Variants in EDAR observed in about 807,000 individuals in gnomAD.
EDAR encodes the protein ectodysplasin A receptor.
In EDAR, 38 loss-of-function variants were observed where a neutral mutation model predicts 51.3. The ratio of observed to expected loss-of-function variants is 0.74; its 90% CI spans 0.57 to 0.97. EDAR has a LOEUF of 0.97. Ranked by LOEUF, EDAR falls within the 50% of genes least tolerant of loss-of-function variation. EDAR has a pLI of 0.00. For synonymous variants in EDAR, 227 were observed against 242.1 expected, an observed-to-expected ratio of 0.94 and a Z score of 0.58; for missense variants, 528 against 595.0, an observed-to-expected ratio of 0.89 and a Z score of 1.17.
chr2:108,988,458 G>A (rs75106732), intron 1 of EDAR, among the ~76,000 whole-genome samples: 5,776 of 151,660 alleles, frequency 0.038, 180 homozygotes, highest in Middle Eastern at 0.085. Flanking sequence ...CCGCTCCCCC[G>A]CCACCAACAC....
At chr2:108,965,008 T>C (rs1698121508) in intron 1 of EDAR, among the ~76,000 whole-genome samples, 1 of 152,210 alleles carries the variant, frequency 6.6e-6, no homozygotes, top group African/African-American at 2.4e-5. Context: ...ACAACCTGCC[T>C]CTTTTACATG....
At chr2:108,915,907 AT>A (rs1274090624) in intron 5 of EDAR, among the ~76,000 whole-genome samples, 7 of 152,088 alleles carry the variant, frequency 4.6e-5, no homozygotes, top group African/African-American at 1.7e-4. Flanking sequence ...CAAAAAAAAA[AT>A]AAAAAATAAA....
intron 1 of EDAR, among the ~76,000 whole-genome samples, chr2:108,963,749 G>A (rs1698097487): frequency 1.3e-5 from 2 of 152,332 alleles, no homozygotes; most frequent in South Asian, 4.1e-4. Context: ...GGGTATCACA[G>A]GACTGCCTGG....
intron 1 of EDAR, among the ~76,000 whole-genome samples, chr2:108,969,254 C>T (rs890210327): frequency 4.6e-5 from 7 of 152,074 alleles, no homozygotes; most frequent in Non-Finnish European, 1.0e-4. Flanking sequence ...TCAGCTCCAA[C>T]CTCCACCCCA....
chr2:108,911,595 TGCC>T (rs1233397135), intron 6 of EDAR, among the ~76,000 whole-genome samples: 4 of 152,310 alleles, frequency 2.6e-5, no homozygotes, highest in Non-Finnish European at 1.5e-5. Flanking sequence ...CCACCTGCAC[TGCC>T]GCCTCCACCA....
intron 1 of EDAR, among the ~76,000 whole-genome samples, chr2:108,952,981 C>G: frequency 6.6e-6 from 1 of 152,054 alleles, no homozygotes; most frequent in East Asian, 1.9e-4. Context: ...TTTCTGAGGT[C>G]TTTTTAAAAA....
chr2:108,920,935 G>A (rs552317369), intron 5 of EDAR, among the ~76,000 whole-genome samples: 13 of 152,204 alleles, frequency 8.5e-5, no homozygotes, highest in South Asian at 2.1e-4. Context: ...GAGATAACTC[G>A]TCTAACTCAG....
intron 9 of EDAR, among the ~76,000 whole-genome samples, chr2:108,908,743 TA>T (rs1696859686): frequency 6.6e-6 from 1 of 152,248 alleles, no homozygotes; most frequent in Non-Finnish European, 1.5e-5. Flanking sequence ...TATTCTTTTT[TA>T]GAGGCATCCT....
In EDAR at chr2:108,947,445, G is replaced by T. The variant is rs184106627; in HGVS notation, c.-18-16413C>A. Among the ~76,000 whole-genome samples the T allele has an allele frequency of 9.4e-4, 143 of 152,288 alleles. 1 individual carries two copies. The highest frequency in any genetic ancestry group is 3.4e-3 in the Middle Eastern group (1 of 294). ...GCCCCAGTGGGGACTCTGTGTGGGG[G>T]CTCCAACTGCATTGCCTTGGTAGAG... On this transcript the variant is annotated intron_variant, in intron 1 of 11. Transcript: ENST00000258443.
chr2:108,948,231 C>A (rs1697751433), intron 1 of EDAR, among the ~76,000 whole-genome samples: 1 of 152,222 alleles, frequency 6.6e-6, no homozygotes, highest in African/African-American at 2.4e-5. Context: ...CATCTGAGAC[C>A]ACCTAAGCCT....
Position 108,895,659 on chromosome 2 carries a change from C to T in EDAR, c.*1248G>A, listed in dbSNP as rs75155869. The stretch of plus-strand genomic sequence containing the variant: ...CCACTTTCTTTTTGCTCACCTGAAC[C>T]CTACCTGCCCCAATTATAGAATCAC... On this transcript the variant is annotated 3_prime_UTR_variant, in exon 12 of 12. Transcript: ENST00000258443. 6.6e-6 allele frequency: 1 copy of T among 152,122 alleles called. No homozygotes were observed. Among genetic ancestry groups the T allele is most frequent in the African/African-American group, 2.4e-5 (1 of 41,396 alleles). 9.4% of individuals were successfully genotyped at this position (152,122 alleles called of 1,614,324 possible).
chr2:108,959,291 C>G (rs1191238656), intron 1 of EDAR, among the ~76,000 whole-genome samples: 1 of 152,312 alleles, frequency 6.6e-6, no homozygotes, highest in East Asian at 1.9e-4. Context: ...GATCTGGGAA[C>G]TCTTACAGCC....
At chr2:108,981,640 T>C (rs1199773181) in intron 1 of EDAR, among the ~76,000 whole-genome samples, 3 of 152,176 alleles carry the variant, frequency 2.0e-5, no homozygotes, top group South Asian at 2.1e-4. Flanking sequence ...CTGCTCGATA[T>C]ATACTATCCC....
At chr2:108,935,116 G>A (rs967930153) in intron 1 of EDAR, among the ~76,000 whole-genome samples, 5 of 152,140 alleles carry the variant, frequency 3.3e-5, no homozygotes, top group South Asian at 4.2e-4. Flanking sequence ...CAAATCTGGC[G>A]CTTTACGGAA....
intron 1 of EDAR, among the ~76,000 whole-genome samples, chr2:108,934,693 T>C (rs1051120852): frequency 2.6e-5 from 4 of 152,106 alleles, no homozygotes; most frequent in Non-Finnish European, 5.9e-5. Flanking sequence ...GCAGGGCCAA[T>C]TCACTGTTAT....
chr2:108,965,332 T>C (rs1264146466), intron 1 of EDAR, among the ~76,000 whole-genome samples: 2 of 151,886 alleles, frequency 1.3e-5, no homozygotes, highest in Non-Finnish European at 2.9e-5. Context: ...AAAAACAAAA[T>C]TAGCTGGGCG....
At chr2:108,909,759 G>T (rs867335843) in intron 9 of EDAR, among the ~76,000 whole-genome samples, 2 of 152,186 alleles carry the variant, frequency 1.3e-5, no homozygotes, top group African/African-American at 4.8e-5. Context: ...TTAGAGCAGG[G>T]GCTGGTTCCA....
chr2:108,981,980 G>A (rs1698427583), intron 1 of EDAR, among the ~76,000 whole-genome samples: 2 of 152,374 alleles, frequency 1.3e-5, no homozygotes, highest in Admixed American at 6.5e-5. Context: ...CTAGGTGCCA[G>A]AGAATGAACA....
chr2:108,955,585 G>A (rs902147429), intron 1 of EDAR, among the ~76,000 whole-genome samples: 1 of 151,952 alleles, frequency 6.6e-6, no homozygotes, highest in African/African-American at 2.4e-5. Context: ...GCACTTGCCT[G>A]TAATCCCAGC....
Sources: allele counts gnomAD v4.1 joint callset (sites outside exome capture counted in the v4.1 genomes callset), GRCh38; gene constraint gnomAD v4.1.1; transcripts MANE v1.5; gene names NCBI Gene and HGNC (gene_info 2026-07-23, HGNC 2026-07-21).